The following NUMB variants were observed in gnomAD, a reference collection of about 807,000 sequenced individuals.
NUMB encodes the protein protein numb homolog.
NUMB carries 29 observed loss-of-function variants against 59.7 expected under a neutral mutation model. The observed-to-expected ratio is 0.49, with a 90% CI of 0.36 to 0.66. The LOEUF is 0.66. Ranked by LOEUF, NUMB falls within the 30% of genes least tolerant of loss-of-function variation. The pLI is 0.00. For synonymous variants in NUMB, 288 were observed against 288.2 expected, an observed-to-expected ratio of 1.00 and a Z score of 0.01; for missense variants, 723 against 822.0, an observed-to-expected ratio of 0.88 and a Z score of 1.47.
chr14:73,442,956 C>T (rs192421981), intron 1 of NUMB, among the ~76,000 whole-genome samples: 30 of 152,092 alleles, frequency 2.0e-4, no homozygotes, highest in African/African-American at 5.5e-4. Flanking sequence ...TCTACCTCCT[C>T]GGCTCAAGTG....
chr14:73,370,131 G>C (rs1894588892), intron 2 of NUMB, among the ~76,000 whole-genome samples: 1 of 151,912 alleles, frequency 6.6e-6, no homozygotes, highest in Non-Finnish European at 1.5e-5. Flanking sequence ...GTAGTGGGGG[G>C]GGTGGGACCA....
chr14:73,409,759 C>T (rs1345544553), intron 2 of NUMB, 178 bp downstream of exon 2: 1 of 152,202 alleles, frequency 6.6e-6, no homozygotes, highest in Non-Finnish European at 1.5e-5. Context: ...CATTTTGACA[C>T]ACATTTTACA....
chr14:73,357,525 G>A (rs1312075830), intron 3 of NUMB, among the ~76,000 whole-genome samples: 1 of 152,008 alleles, frequency 6.6e-6, no homozygotes, highest in East Asian at 1.9e-4. Flanking sequence ...TTCGGAGGCC[G>A]AGGCAGGTGA....
chr14:73,436,871 C>A (rs1187904405), intron 1 of NUMB, among the ~76,000 whole-genome samples: 1 of 150,556 alleles, frequency 6.6e-6, no homozygotes, highest in East Asian at 2.1e-4. Context: ...CCCAGCTACT[C>A]GGGAGGCTGA....
chr14:73,354,490 G>A (rs182064627), intron 4 of NUMB, among the ~76,000 whole-genome samples: 4 of 127,736 alleles, frequency 3.1e-5, no homozygotes, highest in Admixed American at 1.7e-4. Context: ...CAGCCTGGGC[G>A]ACACAGCAAG....
chr14:73,294,498 A>C (rs1044368866), intron 7 of NUMB, among the ~76,000 whole-genome samples: 1 of 151,954 alleles, frequency 6.6e-6, no homozygotes, highest in African/African-American at 2.4e-5. Context: ...TTTTTGGCTT[A>C]CTCATTTCCA....
intron 2 of NUMB, among the ~76,000 whole-genome samples, chr14:73,373,830 A>G (rs187077054): frequency 6.6e-6 from 1 of 151,866 alleles, no homozygotes; most frequent in Admixed American, 6.6e-5. Flanking sequence ...CAGCCTCCCA[A>G]GTAGCTAGAA....
chr14:73,422,717 C>G (rs10135560), intron 1 of NUMB, among the ~76,000 whole-genome samples: 39,045 of 151,808 alleles, frequency 0.26, 5,826 homozygotes, highest in East Asian at 0.68. Flanking sequence ...TCCAAACAAC[C>G]ACATCTCACG....
At chr14:73,437,338 A>G (rs560335397) in intron 1 of NUMB, among the ~76,000 whole-genome samples, 3 of 152,226 alleles carry the variant, frequency 2.0e-5, no homozygotes, top group African/African-American at 7.2e-5. Flanking sequence ...CGCCTGGCCT[A>G]TTTTTCTCTT....
At chr14:73,411,693 C>T (rs1014295665) in intron 1 of NUMB, among the ~76,000 whole-genome samples, 11 of 151,970 alleles carry the variant, frequency 7.2e-5, no homozygotes, top group African/African-American at 2.2e-4. Context: ...GAAAAAATAA[C>T]GGAATAAATT....
chr14:73,325,110 A>G (rs141883747), intron 4 of NUMB, among the ~76,000 whole-genome samples: 21 of 152,300 alleles, frequency 1.4e-4, no homozygotes, highest in African/African-American at 4.6e-4. Flanking sequence ...CTGTAAACCA[A>G]TGAGAATTCC....
At chr14:73,457,626 C>A (rs1595061071) in intron 1 of NUMB, 1 of 152,410 alleles carries the variant, frequency 6.6e-6, no homozygotes, top group African/African-American at 2.4e-5. Flanking sequence ...GCTGGCTCCT[C>A]ACCCCGGTCT....
chr14:73,409,586 G>C (rs984360155), intron 2 of NUMB: 1 of 152,162 alleles, frequency 6.6e-6, no homozygotes, highest in African/African-American at 2.4e-5. Flanking sequence ...TGCTCAAACT[G>C]CAAATATATG....
intron 7 of NUMB, among the ~76,000 whole-genome samples, chr14:73,294,257 G>C (rs796648591): frequency 1.3e-5 from 2 of 152,130 alleles, no homozygotes; most frequent in South Asian, 4.1e-4. Context: ...ATCCAGGCTG[G>C]AGTGCAGTGG....
intron 9 of NUMB, chr14:73,286,552 ACT>A (rs1277895493): frequency 6.5e-6 from 1 of 154,434 alleles, no homozygotes; most frequent in East Asian, 1.9e-4. Context: ...TAAAACTCAC[ACT>A]CTATAAAATC....
intron 2 of NUMB, among the ~76,000 whole-genome samples, chr14:73,367,298 CA>C (rs1894394787): frequency 9.2e-6 from 1 of 108,234 alleles, no homozygotes; most frequent in Non-Finnish European, 1.7e-5. Context: ...TATATATATA[CA>C]CACACACACA....
intron 1 of NUMB, 101 bp from the exon 2 acceptor site, chr14:73,410,169 C>T (rs1035831664): frequency 6.6e-6 from 1 of 152,036 alleles, no homozygotes; most frequent in Admixed American, 6.6e-5. Context: ...GAGTTGGTTA[C>T]GATATATGGA....
intron 2 of NUMB, among the ~76,000 whole-genome samples, chr14:73,377,589 G>T (rs530518032): frequency 1.3e-5 from 2 of 152,116 alleles, no homozygotes; most frequent in African/African-American, 4.8e-5. Context: ...GCAGTGAGCC[G>T]AGATCATGCC....
chr14:73,325,543 C>T (rs1206031580), intron 4 of NUMB, among the ~76,000 whole-genome samples: 4 of 152,202 alleles, frequency 2.6e-5, no homozygotes, highest in Admixed American at 1.3e-4. Flanking sequence ...TCCAGGGCAA[C>T]TTCAATCTAT....
Sources: gnomAD v4.1 joint callset for allele counts (sites outside exome capture counted in the v4.1 genomes callset) on GRCh38, gnomAD v4.1.1 for gene constraint, MANE v1.5 for transcripts, NCBI Gene and HGNC (gene_info 2026-07-23, HGNC 2026-07-21) for gene names.